The following KIAA1614 variants were observed in gnomAD, a reference collection of about 807,000 sequenced individuals.
The protein encoded by KIAA1614 is KIAA1614.
A neutral mutation model predicts 88.7 loss-of-function variants in KIAA1614; 76 were observed. The ratio of observed to expected loss-of-function variants is 0.86; its 90% CI spans 0.71 to 1.04. The LOEUF (loss-of-function observed/expected upper bound fraction) is 1.04, where lower values mean the gene tolerates loss of function less well. Among genes scored for constraint, KIAA1614 ranks in the 50% least tolerant of loss-of-function variants. The pLI is 0.00. For missense variants in KIAA1614, 1,553 were observed against 1,582.5 expected (o/e 0.98, Z 0.32); for synonymous variants, 714 against 675.5 (o/e 1.06, Z -0.88).
intron 7 of KIAA1614, among the ~76,000 whole-genome samples, chr1:180,942,477 A>C (rs1378546425): frequency 1.3e-5 from 2 of 152,218 alleles, no homozygotes; most frequent in Non-Finnish European, 2.9e-5. Context: ...GCAGGCGAGA[A>C]GAGGATGCGG....
At chr1:180,923,222 GTCAGCTCAAACT>G (rs1653992026) in intron 3 of KIAA1614, among the ~76,000 whole-genome samples, 2 of 152,186 alleles carry the variant, frequency 1.3e-5, no homozygotes, top group African/African-American at 4.8e-5. Flanking sequence ...GCCACTGCGA[GTCAGCTCAAACT>G]TCAGCCCCTC....
At chr1:180,943,027 G>GTTTTTTTTTTTTTTTTTTTTTT (rs1261396134) in intron 7 of KIAA1614, among the ~76,000 whole-genome samples, 6 of 22,320 alleles carry the variant, frequency 2.7e-4, no homozygotes, top group African/African-American at 5.7e-4. Flanking sequence ...TAGTTTTTTG[G>GTTTTTTTTTTTTTTTTTTTTTT]GTTTTTTTTT....
rs1281451541 is a variant in KIAA1614 at position 180,916,430 on chromosome 1, G to T, written c.327G>T (p.Glu109Asp). The T allele has an allele frequency of 3.1e-6, 5 of 1,614,110 alleles. No homozygotes were observed. The highest frequency in any genetic ancestry group is 4.2e-6 in the Non-Finnish European group (5 of 1,180,048). ...TGAGTCCCTGCTCTGCTTCCCAAGAGTGGTCATCCCCCAAGAAACCCCAAT... is the reference window on the plus strand; with the variant it reads ...TGAGTCCCTGCTCTGCTTCCCAAGATTGGTCATCCCCCAAGAAACCCCAAT... ...QGVSPCSASQEWSSPKKPQCR... is the reference protein window; with the variant it reads ...QGVSPCSASQDWSSPKKPQCR... The change falls in exon 2 of 9, where the codon GAG becomes GAT. Residue 109 changes from glutamate (E) to aspartate (D), a missense_variant. Transcript: ENST00000367588.
Position 180,917,897 on chromosome 1 carries a change from G to A in KIAA1614, c.1044G>A (p.Gln348=). Reference sequence around the variant, plus strand: ...ACTGGGCCTCGGGCACCTCCTTGCAGGACTCCGGCCAGAACAGGTAAGAGC... The same window carrying A: ...ACTGGGCCTCGGGCACCTCCTTGCAAGACTCCGGCCAGAACAGGTAAGAGC... ...DVDWASGTSL[Q]DSGQNRTVGP... Residue 348 remains glutamine (Q), a synonymous_variant, in exon 3 of 9, where the codon CAG becomes CAA. Coordinates refer to ENST00000367588, the MANE Select transcript of KIAA1614 (RefSeq NM_020950.2). 7 of 1,613,908 alleles carry A rather than the reference G, an allele frequency of 4.3e-6. No individual in the cohort carries two copies. Among genetic ancestry groups the A allele is most frequent in the Non-Finnish European group, 5.9e-6 (7 of 1,179,942 alleles).
At chr1:180,917,187 G>A in intron 2 of KIAA1614, 87 bp downstream of exon 2, 1 of 1,030,720 alleles carries the variant, frequency 9.7e-7, no homozygotes, top group Non-Finnish European at 1.4e-6. Context: ...TCCCACAGAG[G>A]GAGTGGGGCA....
At chr1:180,919,028 G>A (rs529648990) in intron 3 of KIAA1614, among the ~76,000 whole-genome samples, 2 of 152,246 alleles carry the variant, frequency 1.3e-5, no homozygotes, top group African/African-American at 2.4e-5. Context: ...CCTCTTAGAA[G>A]GGCACTAATC....
chr1:180,935,017 G>A lies in KIAA1614; in HGVS notation c.1206-98G>A, dbSNP rs1282701757. ...GGTTGCGGTTGCCACAGAGCACGGT[G>A]GGAGACTGTAGCCCAGGGTGGAGAG... On this transcript the variant is annotated intron_variant, in intron 4 of 8. Coordinates refer to ENST00000367588, the MANE Select transcript of KIAA1614 (RefSeq NM_020950.2). This position sits in a 1 kb window ranked among gnomAD's most constrained non-coding sequence, Gnocchi z 6.1. 2.3e-6 allele frequency: 2 copies of A among 888,602 alleles called. No homozygotes were observed. The highest frequency in any genetic ancestry group is 3.0e-6 in the Non-Finnish European group (2 of 656,050). The allele number at this position is 888,602 out of a possible 1,614,324, so 55.0% of individuals were successfully genotyped here. A position where few individuals can be genotyped will look rare whatever the true frequency, so the allele number is the denominator to read the frequency against.
intron 3 of KIAA1614, among the ~76,000 whole-genome samples, chr1:180,924,143 A>G (rs1233371004): frequency 6.6e-6 from 1 of 152,158 alleles, no homozygotes; most frequent in East Asian, 1.9e-4. Flanking sequence ...TACACACCAC[A>G]CATGAAAATC....
chr1:180,944,001 A>C (rs1001948056), intron 7 of KIAA1614: 2 of 158,238 alleles, frequency 1.3e-5, no homozygotes, highest in African/African-American at 4.8e-5. Context: ...GCACGAAAGC[A>C]ATCATAAAAG....
chr1:180,917,979 C>T, intron 3 of KIAA1614, 65 bp downstream of exon 3: 1 of 1,399,168 alleles, frequency 7.1e-7, no homozygotes, highest in Non-Finnish European at 1.0e-6. Context: ...ATTTACTCAG[C>T]ATCAGGACAG....
Position 180,941,151 on chromosome 1 carries a change from C to T in KIAA1614, c.3025C>T (p.Leu1009Phe), listed in dbSNP as rs1424095052. Residue 1009 changes from leucine (L) to phenylalanine (F), a missense_variant, in exon 7 of 9, where the codon CTC (leucine) becomes TTC (phenylalanine). Physicochemically the swap from Leu to Phe is conservative, Grantham distance 22. Transcript: ENST00000367588. ...SIASTLGLKK[L>F]FSALGQSSRP... ...AGCCTCCACCCTGGGGCTGAAAAAG[C>T]TCTTCTCAGCCCTGGGCCAGAGTTC... 1.2e-6 allele frequency: 2 copies of T among 1,613,730 alleles called. No homozygotes were observed. Among genetic ancestry groups the T allele is most frequent in the Non-Finnish European group, 8.5e-7 (1 of 1,179,928 alleles).
chr1:180,917,042 G>A lies in KIAA1614; in HGVS notation c.939G>A (p.Gln313=). ...AGGAGATGCTCAACGTTTCTGGGCA[G>A]AGCCCCCGCAAGGTGGGAACCCCTG... ...LLQEMLNVSG[Q]SPRKVGTPAW... The change falls in exon 2 of 9, where the codon CAG becomes CAA. Residue 313 remains glutamine, a synonymous_variant. Transcript: ENST00000367588. 6.2e-7 allele frequency: 1 copy of A among 1,613,838 alleles called. No individual in the cohort carries two copies. Among genetic ancestry groups the A allele is most frequent in the Non-Finnish European group, 8.5e-7 (1 of 1,180,052 alleles).
intron 1 of KIAA1614, 88 bp downstream of exon 1, chr1:180,913,381 C>A: frequency 1.1e-6 from 1 of 897,838 alleles, no homozygotes; most frequent in Non-Finnish European, 1.5e-6. Context: ...GTCGCCCCGG[C>A]CACTGGGAAG....
chr1:180,914,777 C>T (rs908553273), intron 1 of KIAA1614, among the ~76,000 whole-genome samples: 18 of 151,960 alleles, frequency 1.2e-4, no homozygotes, highest in African/African-American at 4.1e-4. Context: ...CTTGCTCTGT[C>T]GCCCAGGCTG....
intron 7 of KIAA1614, among the ~76,000 whole-genome samples, chr1:180,943,028 G>GTTTTTTTTTTTTTTTTT (rs765988727): frequency 1.7e-3 from 25 of 14,952 alleles, no homozygotes; most frequent in Non-Finnish European, 4.9e-3. Flanking sequence ...AGTTTTTTGG[G>GTTTTTTTTTTTTTTTTT]TTTTTTTTTT....
At position 180,917,045 on chromosome 1, in the gene KIAA1614, C is replaced by T. The variant is rs756750383; in HGVS notation, c.942C>T (p.Ser314=). Residue 314 remains serine (S), a synonymous_variant, in exon 2 of 9, where the codon AGC becomes AGT. Coordinates refer to ENST00000367588, the MANE Select transcript of KIAA1614 (RefSeq NM_020950.2). ...LQEMLNVSGQ[S]PRKVGTPAWT... ...AGATGCTCAACGTTTCTGGGCAGAGCCCCCGCAAGGTGGGAACCCCTGCCT... is the reference window on the plus strand; with the variant it reads ...AGATGCTCAACGTTTCTGGGCAGAGTCCCCGCAAGGTGGGAACCCCTGCCT... The T allele has an allele frequency of 2.5e-6, 4 of 1,613,626 alleles. No individual in the cohort carries two copies. The highest frequency in any genetic ancestry group is 3.3e-5 in the Admixed American group (2 of 60,006).
At chr1:180,928,679 T>C in intron 4 of KIAA1614, 106 bp downstream of exon 4, 1 of 1,245,474 alleles carries the variant, frequency 8.0e-7, no homozygotes, top group East Asian at 2.6e-5. Context: ...TCGCTCCATG[T>C]GTGTGTGTGT....
Position 180,946,274 on chromosome 1 carries a change from A to G in KIAA1614, c.*686A>G, listed in dbSNP as rs1340674480. The G allele has an allele frequency of 6.6e-6, 1 of 152,180 alleles. No homozygotes were observed. The highest frequency in any genetic ancestry group is 1.5e-5 in the Non-Finnish European group (1 of 68,090). 9.4% of individuals were successfully genotyped at this position (152,180 alleles called of 1,614,324 possible). A position where few individuals can be genotyped will look rare whatever the true frequency, so the allele number is the denominator to read the frequency against. ...TGGAGTATGTCTGGGCACGTGGAGC[A>G]TGCCTGTCTGTCTCTGCATCCCGTC... On this transcript the variant is annotated 3_prime_UTR_variant, in exon 9 of 9. Coordinates refer to ENST00000367588, the MANE Select transcript of KIAA1614 (RefSeq NM_020950.2).
intron 3 of KIAA1614, among the ~76,000 whole-genome samples, chr1:180,920,760 C>A (rs981177379): frequency 5.9e-5 from 9 of 152,020 alleles, no homozygotes; most frequent in Non-Finnish European, 1.3e-4. Context: ...GGGCAGTCAC[C>A]AGGAGTCAGC....
Sources: allele counts gnomAD v4.1 joint callset (sites outside exome capture counted in the v4.1 genomes callset), GRCh38; gene constraint gnomAD v4.1.1; non-coding constraint Gnocchi (gnomAD v3.1); transcripts MANE v1.5; gene names NCBI Gene and HGNC (gene_info 2026-07-23, HGNC 2026-07-21).